The following RICTOR variants were observed in gnomAD, a reference collection of about 807,000 sequenced individuals.
The protein encoded by RICTOR is RPTOR independent companion of MTOR complex 2.
A neutral mutation model predicts 214.9 loss-of-function variants in RICTOR; 49 were observed. The ratio of observed to expected loss-of-function variants is 0.23; its 90% CI spans 0.18 to 0.29. The LOEUF is 0.29. RICTOR is among the 10% of genes least tolerant of loss of function. RICTOR has a pLI of 1.00. For synonymous variants in RICTOR, 717 were observed against 711.3 expected (o/e 1.01, Z -0.13); for missense variants, 1,625 against 2,047.0 (o/e 0.79, Z 3.98).
At position 38,946,487 on chromosome 5, in the gene RICTOR, T is replaced by G; in HGVS notation, c.4380A>C (p.Ala1460=). The change falls in exon 33 of 38, where the codon GCA becomes GCC. Residue 1460 remains alanine, a synonymous_variant. Transcript: ENST00000357387. The stretch of plus-strand genomic sequence containing the variant: ...CATTACCTCCTGCATCATGGGCAAA[T>G]GCTCTTGCACCTCGATCATCATGTG... The part of the protein sequence containing the change: ...IPPHDDRGAR[A]FAHDAGGLPS... The G allele has an allele frequency of 6.2e-7, 1 of 1,610,204 alleles. No individual in the cohort carries two copies. Among genetic ancestry groups the G allele is most frequent in the Non-Finnish European group, 8.5e-7 (1 of 1,176,556 alleles).
intron 3 of RICTOR, among the ~76,000 whole-genome samples, chr5:39,003,840 T>TA (rs1005881900): frequency 5.5e-4 from 84 of 152,266 alleles, no homozygotes; most frequent in African/African-American, 2.0e-3. Context: ...TCCTGCCTTT[T>TA]AAAAAATCAT....
In RICTOR at chr5:38,963,078, G is replaced by A. The variant is rs371222691; in HGVS notation, c.1401-37C>T. 3.4e-6 allele frequency: 5 copies of A among 1,464,158 alleles called. No individual in the cohort carries two copies. The African/African-American group carries it at 7.0e-5, about 21-fold the overall frequency. 90.7% of individuals were successfully genotyped at this position (1,464,158 alleles called of 1,614,324 possible). Reference sequence around the variant, plus strand: ...AACAATTCAATCAATACAGTAGCAAGACCAATATAATTTAAGAGATTACCT... The same window carrying A: ...AACAATTCAATCAATACAGTAGCAAAACCAATATAATTTAAGAGATTACCT... On this transcript the variant is annotated intron_variant, in intron 16 of 37. Coordinates refer to ENST00000357387, the MANE Select transcript of RICTOR (RefSeq NM_152756.5).
intron 3 of RICTOR, among the ~76,000 whole-genome samples, chr5:39,016,335 G>T (rs928276639): frequency 6.7e-6 from 1 of 148,336 alleles, no homozygotes; most frequent in African/African-American, 2.5e-5. Context: ...ACAGAGAAGG[G>T]GGGAGAGGGA....
chr5:38,943,058 T>C (rs1747764564), intron 36 of RICTOR, 87 bp from the exon 37 acceptor site: 1 of 932,322 alleles, frequency 1.1e-6, no homozygotes, highest in African/African-American at 1.6e-5. Context: ...TAAAAATAGA[T>C]TTCCCTACAG....
At chr5:38,983,877 A>G (rs1751932337) in intron 7 of RICTOR, among the ~76,000 whole-genome samples, 1 of 152,198 alleles carries the variant, frequency 6.6e-6, no homozygotes, top group South Asian at 2.1e-4. Context: ...AGGCAGGAGA[A>G]TTGCCTGAAC....
chr5:39,003,482 T>C, intron 4 of RICTOR, 76 bp downstream of exon 4: 1 of 936,668 alleles, frequency 1.1e-6, no homozygotes, highest in Non-Finnish European at 1.7e-6. Flanking sequence ...TATTATTCTA[T>C]TTCTAGTTTA....
At position 38,966,706 on chromosome 5, in the gene RICTOR, T is replaced by C. The variant is rs1750256573; in HGVS notation, c.1234A>G (p.Ile412Val). 2 of 1,573,096 alleles carry C rather than the reference T, an allele frequency of 1.3e-6. No individual in the cohort carries two copies. The highest frequency in any genetic ancestry group is 1.7e-6 in the Non-Finnish European group (2 of 1,145,754). ...NGLLEGLVEV[I>V]TNSDDHISVR... ...GAGATATGATCATCACTGTTTGTTATCACTTCAACTAGACCCTTTGAAAAT... is the reference window on the plus strand; with the variant it reads ...GAGATATGATCATCACTGTTTGTTACCACTTCAACTAGACCCTTTGAAAAT... Residue 412 changes from isoleucine (I) to valine (V), a missense_variant, in exon 15 of 38, where the codon ATA becomes GTA. This residue lies in a region of RICTOR where 1,214 missense variants were observed against 1,470.5 expected (regional missense o/e 0.83). Coordinates refer to ENST00000357387, the MANE Select transcript of RICTOR (RefSeq NM_152756.5).
At chr5:39,031,827 T>C (rs1645603136) in intron 2 of RICTOR, among the ~76,000 whole-genome samples, 1 of 152,322 alleles carries the variant, frequency 6.6e-6, no homozygotes, top group African/African-American at 2.4e-5. Context: ...CTATGATTAT[T>C]GTGAGCAGAT....
intron 5 of RICTOR, 80 bp from the exon 6 acceptor site, chr5:38,996,962 C>G: frequency 1.1e-6 from 1 of 898,690 alleles, no homozygotes; most frequent in Non-Finnish European, 1.9e-6. Flanking sequence ...TAGATGAAAC[C>G]CATTTTCACA....
chr5:38,996,802 TCA>T lies in RICTOR; in HGVS notation c.456+15_456+16del, dbSNP rs1289276171. 1 of 1,554,906 alleles carries T rather than the reference TCA, an allele frequency of 6.4e-7. No homozygotes were observed. The highest frequency in any genetic ancestry group is 8.8e-7 in the Non-Finnish European group (1 of 1,136,310). On this transcript the variant is annotated intron_variant, in intron 6 of 37. Coordinates refer to ENST00000357387, the MANE Select transcript of RICTOR (RefSeq NM_152756.5). ...AAAACCATAAATTTGCCTTTTACTC[TCA>T]CACATAGAGCATACCTTTCTGACTA...
intron 24 of RICTOR, 24 bp from the exon 25 acceptor site, chr5:38,957,754 T>C: frequency 7.5e-7 from 1 of 1,329,804 alleles, no homozygotes; most frequent in Non-Finnish European, 1.1e-6. Context: ...CAAGCAATAG[T>C]TTAACATTGA....
chr5:38,978,895 C>T (rs889613705), intron 8 of RICTOR, among the ~76,000 whole-genome samples: 2 of 152,020 alleles, frequency 1.3e-5, no homozygotes, highest in Admixed American at 1.3e-4. Flanking sequence ...AAACTAAGCA[C>T]ACTCATGTAA....
At chr5:38,952,467 C>T in intron 29 of RICTOR, 42 bp from the exon 30 acceptor site, 3 of 1,335,938 alleles carry the variant, frequency 2.2e-6, no homozygotes, top group Non-Finnish European at 3.2e-6. Flanking sequence ...TAATTCCAAG[C>T]TGAGATTTCT....
rs527732797 is a variant in RICTOR at position 38,963,287 on chromosome 5, A to AT, written c.1401-247dup. On this transcript the variant is annotated intron_variant, in intron 16 of 37. Transcript: ENST00000357387. The stretch of plus-strand genomic sequence containing the variant: ...AAACTTTTCTTCTATGGTGGTAGGT[A>AT]TTTTTTGTATATTGGTTTTAAGAAC... 1.7e-3 allele frequency among the ~76,000 whole-genome samples: 264 copies of AT among 152,064 alleles called. 1 individual carries two copies. Among genetic ancestry groups the AT allele is most frequent in the African/African-American group, 6.1e-3 (252 of 41,536 alleles).
intron 3 of RICTOR, among the ~76,000 whole-genome samples, chr5:39,015,932 T>C (rs1212247226): frequency 6.6e-6 from 1 of 152,126 alleles, no homozygotes; most frequent in Non-Finnish European, 1.5e-5. Flanking sequence ...TAATCACAGT[T>C]GGGCTGCAAG....
At chr5:39,023,284 T>C (rs1032932119) in intron 2 of RICTOR, among the ~76,000 whole-genome samples, 1 of 151,708 alleles carries the variant, frequency 6.6e-6, no homozygotes, top group African/African-American at 2.4e-5. Context: ...ATAATCAAAT[T>C]GCTCAAAACC....
chr5:39,002,401 T>C (rs1001360269), intron 5 of RICTOR, 134 bp downstream of exon 5: 5 of 340,404 alleles, frequency 1.5e-5, no homozygotes, highest in Non-Finnish European at 2.1e-5. Flanking sequence ...TGTGTGTGTG[T>C]ATATATATAT....
chr5:39,055,012 G>A (rs1325024032), intron 2 of RICTOR, among the ~76,000 whole-genome samples: 1 of 152,170 alleles, frequency 6.6e-6, no homozygotes, highest in South Asian at 2.1e-4. Context: ...TAACATGAAT[G>A]AAAGAATTCA....
intron 3 of RICTOR, among the ~76,000 whole-genome samples, chr5:39,013,706 AAC>A (rs764205455): frequency 7.2e-5 from 11 of 151,870 alleles, no homozygotes; most frequent in Admixed American, 2.0e-4. Flanking sequence ...TTTAGACACA[AAC>A]ACACACACAC....
Sources: allele counts gnomAD v4.1 joint callset (sites outside exome capture counted in the v4.1 genomes callset), GRCh38; gene constraint gnomAD v4.1.1; regional missense constraint gnomAD v4.1.1; transcripts MANE v1.5; gene names NCBI Gene and HGNC (gene_info 2026-07-23, HGNC 2026-07-21).